NUSAP1: variants seen among roughly 807,000 people sequenced by gnomAD.
NUSAP1 encodes the protein nucleolar and spindle-associated protein 1.
NUSAP1 carries 32 observed loss-of-function variants against 52.8 expected under a neutral mutation model. The observed-to-expected ratio is 0.61, with a 90% CI of 0.46 to 0.81. The LOEUF is 0.81. Among genes scored for constraint, NUSAP1 ranks in the 40% least tolerant of loss-of-function variants. NUSAP1 has a pLI of 0.00. For synonymous variants in NUSAP1, 195 were observed against 183.1 expected, an observed-to-expected ratio of 1.06 and a Z score of -0.52; for missense variants, 499 against 522.3, an observed-to-expected ratio of 0.96 and a Z score of 0.43.
intron 4 of NUSAP1, among the ~76,000 whole-genome samples, chr15:41,354,547 G>A (rs1304888845): frequency 6.6e-6 from 1 of 151,760 alleles, no homozygotes; most frequent in Admixed American, 6.6e-5. Flanking sequence ...AGGAAGCAGA[G>A]GACCAGAGGA....
At chr15:41,375,665 G>A in intron 8 of NUSAP1, 47 bp from the exon 9 acceptor site, 1 of 1,159,222 alleles carries the variant, frequency 8.6e-7, no homozygotes, top group Non-Finnish European at 1.3e-6. Flanking sequence ...ACTTTACCAG[G>A]TCTTTGTTTC....
chr15:41,377,535 T>C (rs1476912381), intron 10 of NUSAP1, among the ~76,000 whole-genome samples: 2 of 149,862 alleles, frequency 1.3e-5, no homozygotes, highest in Non-Finnish European at 3.0e-5. Flanking sequence ...CCGTCTCTAC[T>C]AAAAATACAA....
intron 10 of NUSAP1, among the ~76,000 whole-genome samples, chr15:41,378,943 G>GTTTTTTTTT (rs1453721233): frequency 1.6e-5 from 1 of 62,792 alleles, no homozygotes; most frequent in Non-Finnish European, 2.7e-5. Context: ...AACTTATCTT[G>GTTTTTTTTT]GTTTTTTTTT....
At chr15:41,366,400 C>A (rs2140782622) in intron 7 of NUSAP1, among the ~76,000 whole-genome samples, 1 of 151,374 alleles carries the variant, frequency 6.6e-6, no homozygotes, top group African/African-American at 2.4e-5. Context: ...AAGCGATTCT[C>A]AGCCTCCCGA....
intron 10 of NUSAP1, among the ~76,000 whole-genome samples, chr15:41,379,382 G>A (rs1286325338): frequency 6.6e-6 from 1 of 150,688 alleles, no homozygotes; most frequent in East Asian, 1.9e-4. Context: ...CTTTGGCCTT[G>A]AACTCCTGGG....
At chr15:41,356,197 T>C in intron 5 of NUSAP1, 57 bp downstream of exon 5, 2 of 963,178 alleles carry the variant, frequency 2.1e-6, no homozygotes, top group African/African-American at 3.2e-5. Context: ...CGGAATGATG[T>C]TGGACTGTAA....
chr15:41,341,232 ATTTTTGT>A (rs2048355863), intron 1 of NUSAP1, among the ~76,000 whole-genome samples: 1 of 152,018 alleles, frequency 6.6e-6, no homozygotes, highest in Non-Finnish European at 1.5e-5. Flanking sequence ...TGCCCGGCTA[ATTTTTGT>A]TTTTTTATTA....
chr15:41,343,894 T>C (rs1297260974), intron 2 of NUSAP1, among the ~76,000 whole-genome samples: 1 of 152,040 alleles, frequency 6.6e-6, no homozygotes, highest in Non-Finnish European at 1.5e-5. Context: ...TTTTTATGGT[T>C]AAGGGTACAT....
intron 6 of NUSAP1, among the ~76,000 whole-genome samples, chr15:41,363,137 A>C (rs914556417): frequency 1.3e-5 from 2 of 151,980 alleles, no homozygotes; most frequent in Non-Finnish European, 2.9e-5. Flanking sequence ...AAATACAAAA[A>C]TTAGCCAGAC....
intron 10 of NUSAP1, among the ~76,000 whole-genome samples, chr15:41,378,196 ATCTC>A (rs2140882920): frequency 6.6e-6 from 1 of 152,286 alleles, no homozygotes; most frequent in East Asian, 1.9e-4. Flanking sequence ...GCATGTGGGT[ATCTC>A]TCCAGATACC....
intron 6 of NUSAP1, 71 bp from the exon 7 acceptor site, chr15:41,365,331 A>G (rs769354702): frequency 4.9e-5 from 64 of 1,306,762 alleles, no homozygotes; most frequent in Non-Finnish European, 6.2e-5. Context: ...TAATTTTTGT[A>G]TTTTTAGTAG....
In NUSAP1 at chr15:41,336,648, G is replaced by GTTTTTTTTTTTTTTTTTTTTT. The variant is rs75426159; in HGVS notation, c.93+3599_93+3619dup. Among the ~76,000 whole-genome samples the GTTTTTTTTTTTTTTTTTTTTT allele has an allele frequency of 8.8e-5, 8 of 91,354 alleles. 1 individual carries two copies. Among genetic ancestry groups the GTTTTTTTTTTTTTTTTTTTTT allele is most frequent in the African/African-American group, 2.4e-4 (6 of 24,962 alleles). The allele number at this position is 91,354 out of a possible 152,430, so 59.9% of individuals were successfully genotyped here. ...TGGGCATTTGATCCTCCTCCTTTTG[G>GTTTTTTTTTTTTTTTTTTTTT]TTTTTTTTTTTTTTTTTTTTTGAGA... is the stretch of plus-strand genomic sequence containing the variant. On this transcript the variant is annotated intron_variant, in intron 1 of 10. Transcript: ENST00000559596.
chr15:41,369,996 G>A (rs1377475982), intron 7 of NUSAP1, among the ~76,000 whole-genome samples: 1 of 150,734 alleles, frequency 6.6e-6, no homozygotes, highest in Non-Finnish European at 1.5e-5. Context: ...TTGAACCTGG[G>A]AGCCAGAGGT....
chr15:41,377,143 G>T lies in NUSAP1; in HGVS notation c.1124-53G>T, dbSNP rs138148406. ...CCCACAGATGAAGAGAATGAAGTTG[G>T]GAATATAAATCAAACAATCTTTTTA... On this transcript the variant is annotated intron_variant, in intron 9 of 10. Coordinates refer to ENST00000559596, the MANE Select transcript of NUSAP1 (RefSeq NM_016359.5). The T allele has an allele frequency of 2.5e-5, 23 of 913,772 alleles. No individual in the cohort carries two copies. In the Admixed American group the frequency reaches 4.9e-4, roughly 19 times the overall value. 56.6% of individuals were successfully genotyped at this position (913,772 alleles called of 1,614,324 possible).
At chr15:41,335,262 A>G (rs2048074186) in intron 1 of NUSAP1, among the ~76,000 whole-genome samples, 1 of 123,524 alleles carries the variant, frequency 8.1e-6, no homozygotes, top group African/African-American at 3.6e-5. Flanking sequence ...AATTTATACT[A>G]GTATATACTA....
chr15:41,358,913 G>T (rs2049069293), intron 6 of NUSAP1, among the ~76,000 whole-genome samples: 1 of 152,110 alleles, frequency 6.6e-6, no homozygotes, highest in Non-Finnish European at 1.5e-5. Context: ...GATTAATAGT[G>T]GCAAACCTGA....
intron 8 of NUSAP1, among the ~76,000 whole-genome samples, chr15:41,372,652 C>T (rs1316838090): frequency 6.6e-6 from 1 of 152,152 alleles, no homozygotes; most frequent in East Asian, 1.9e-4. Flanking sequence ...TCCCTGTCAG[C>T]ATTTGATACT....
chr15:41,348,348 G>T (rs1200446150), intron 2 of NUSAP1, among the ~76,000 whole-genome samples: 1 of 151,998 alleles, frequency 6.6e-6, no homozygotes, highest in Non-Finnish European at 1.5e-5. Flanking sequence ...CAAAATGCTG[G>T]GGTTACAGGT....
intron 7 of NUSAP1, among the ~76,000 whole-genome samples, chr15:41,368,728 CTTTTTTTTTT>C (rs57501156): frequency 1.2e-3 from 93 of 77,932 alleles, no homozygotes; most frequent in Admixed American, 4.8e-3. Context: ...TTATTTTATT[CTTTTTTTTTT>C]TTTTTTTTTT....
Sources: gnomAD v4.1 joint callset for allele counts (sites outside exome capture counted in the v4.1 genomes callset) on GRCh38, gnomAD v4.1.1 for gene constraint, MANE v1.5 for transcripts, NCBI Gene and HGNC (gene_info 2026-07-23, HGNC 2026-07-21) for gene names.